Variants in WASF2 observed in about 807,000 individuals in gnomAD.
WASF2 encodes WASP family member 2.
In WASF2, 14 loss-of-function variants were observed where a neutral mutation model predicts 45.0. The observed-to-expected ratio is 0.31, with a 90% CI of 0.21 to 0.49. The LOEUF is 0.49. WASF2 is among the 20% of genes least tolerant of loss of function. WASF2 has a pLI of 0.99. For synonymous variants in WASF2, 200 were observed against 236.3 expected (o/e 0.85, Z 1.41); for missense variants, 439 against 636.1 (o/e 0.69, Z 3.33).
chr1:27,412,946 G>A (rs1458525649), intron 6 of WASF2, among the ~76,000 whole-genome samples: 1 of 152,148 alleles, frequency 6.6e-6, no homozygotes, highest in Non-Finnish European at 1.5e-5. Flanking sequence ...ATTGTTTGTA[G>A]TAACAGGATT....
In WASF2 at chr1:27,405,183, C is replaced by G. The variant is rs1038924805; in HGVS notation, c.*3006G>C. ...CGCCTCGGCTCTGCGTTGACATTGG[C>G]CAGGGTCGTTTCTGAGGGCGCTCGG... On this transcript the variant is annotated 3_prime_UTR_variant, in exon 9 of 9. Transcript: ENST00000618852. 1 of 152,258 alleles carries G rather than the reference C, an allele frequency of 6.6e-6. No individual in the cohort carries two copies. The highest frequency in any genetic ancestry group is 2.4e-5 in the African/African-American group (1 of 41,448). The allele number at this position is 152,258 out of a possible 1,614,324, so 9.4% of individuals were successfully genotyped here.
At chr1:27,464,205 C>T (rs954191497) in intron 1 of WASF2, among the ~76,000 whole-genome samples, 2 of 151,426 alleles carry the variant, frequency 1.3e-5, no homozygotes, top group Non-Finnish European at 2.9e-5. Context: ...CATGGTGAAA[C>T]CCCATCTCTA....
At chr1:27,460,330 GT>G (rs1488469346) in intron 1 of WASF2, among the ~76,000 whole-genome samples, 3 of 152,092 alleles carry the variant, frequency 2.0e-5, no homozygotes, top group Non-Finnish European at 2.9e-5. Flanking sequence ...CTGGAGGGAA[GT>G]AAAAGAATTA....
chr1:27,426,823 T>C (rs983358343), intron 2 of WASF2, among the ~76,000 whole-genome samples: 2 of 152,142 alleles, frequency 1.3e-5, no homozygotes, highest in Non-Finnish European at 2.9e-5. Flanking sequence ...TTACCTTATT[T>C]TTCTGAGCCT....
At chr1:27,454,187 A>ATTTTTTT (rs869057863) in intron 1 of WASF2, among the ~76,000 whole-genome samples, 1 of 12,774 alleles carries the variant, frequency 7.8e-5, no homozygotes, top group East Asian at 2.2e-3. Flanking sequence ...ATATATATAT[A>ATTTTTTT]TTTTTTTTTT....
At chr1:27,442,701 A>C (rs1465172930) in intron 1 of WASF2, among the ~76,000 whole-genome samples, 1 of 151,392 alleles carries the variant, frequency 6.6e-6, no homozygotes, top group African/African-American at 2.4e-5. Flanking sequence ...TCTATGAAAA[A>C]CACAAAAAAC....
chr1:27,455,607 C>T (rs993359729), intron 1 of WASF2, among the ~76,000 whole-genome samples: 2 of 152,224 alleles, frequency 1.3e-5, no homozygotes, highest in Non-Finnish European at 2.9e-5. Flanking sequence ...CTCTAGCCTG[C>T]AGCCACTCAC....
chr1:27,457,692 C>T (rs2017487635), intron 1 of WASF2, among the ~76,000 whole-genome samples: 1 of 151,068 alleles, frequency 6.6e-6, no homozygotes, highest in Admixed American at 6.6e-5. Flanking sequence ...TTAATCATAG[C>T]TCACTGCAGC....
At chr1:27,411,478 ACTCTATGCTAGGTTC>A (rs2016759411) in intron 7 of WASF2, among the ~76,000 whole-genome samples, 1 of 152,054 alleles carries the variant, frequency 6.6e-6, no homozygotes, top group Non-Finnish European at 1.5e-5. Flanking sequence ...AGAGGAAGTG[ACTCTATGCTAGGTTC>A]CTAGACAACT....
intron 1 of WASF2, among the ~76,000 whole-genome samples, chr1:27,437,160 G>A (rs965649989): frequency 6.6e-6 from 1 of 152,132 alleles, no homozygotes; most frequent in Non-Finnish European, 1.5e-5. Flanking sequence ...TCTAATCATA[G>A]TTTCGTTCTT....
intron 1 of WASF2, among the ~76,000 whole-genome samples, chr1:27,471,177 C>T (rs2017683036): frequency 6.6e-6 from 1 of 151,780 alleles, no homozygotes; most frequent in Non-Finnish European, 1.5e-5. Flanking sequence ...AACCCCATCT[C>T]TACTAAAAAT....
At chr1:27,468,491 A>C (rs1283306792) in intron 1 of WASF2, among the ~76,000 whole-genome samples, 1 of 151,448 alleles carries the variant, frequency 6.6e-6, no homozygotes, top group Non-Finnish European at 1.5e-5. Flanking sequence ...AAATACAAAA[A>C]TTAGCTGGTC....
intron 1 of WASF2, among the ~76,000 whole-genome samples, chr1:27,460,915 G>C (rs1172519771): frequency 1.3e-5 from 2 of 152,108 alleles, no homozygotes; most frequent in Non-Finnish European, 2.9e-5. Flanking sequence ...GAGGTGGGTG[G>C]ATTACGAGGT....
intron 1 of WASF2, among the ~76,000 whole-genome samples, chr1:27,484,792 AC>A (rs2017899811): frequency 1.4e-5 from 2 of 138,208 alleles, no homozygotes; most frequent in Non-Finnish European, 3.1e-5. Flanking sequence ...AGCCTGGATG[AC>A]AGAGCGAGAC....
intron 3 of WASF2, 109 bp from the exon 4 acceptor site, chr1:27,418,531 T>C: frequency 6.9e-7 from 1 of 1,450,854 alleles, no homozygotes; most frequent in Non-Finnish European, 9.4e-7. Context: ...GCTGTGGCTG[T>C]CCGCAGCCAG....
chr1:27,429,539 G>T (rs915855015), intron 1 of WASF2, among the ~76,000 whole-genome samples: 3 of 152,182 alleles, frequency 2.0e-5, no homozygotes, highest in African/African-American at 7.2e-5. Context: ...ACTTTGGGAG[G>T]CTGAGGCAGG....
intron 6 of WASF2, among the ~76,000 whole-genome samples, chr1:27,413,440 T>TCCAC (rs1053977117): frequency 6.6e-6 from 1 of 152,116 alleles, no homozygotes; most frequent in African/African-American, 2.4e-5. Flanking sequence ...CCTGCTCTGC[T>TCCAC]CCACCTCCCC....
At chr1:27,442,340 T>C (rs2017248765) in intron 1 of WASF2, among the ~76,000 whole-genome samples, 1 of 151,996 alleles carries the variant, frequency 6.6e-6, no homozygotes, top group South Asian at 2.1e-4. Context: ...GGTCAAGAGT[T>C]CAAGACCAGC....
In WASF2 at chr1:27,436,832, G is replaced by A. The variant is rs371812203; in HGVS notation, c.-43-7899C>T. Among the ~76,000 whole-genome samples, 16 of 152,254 alleles carry A rather than the reference G, an allele frequency of 1.1e-4. No homozygotes were observed. In the South Asian group the frequency reaches 1.4e-3, roughly 14 times the overall value. On this transcript the variant is annotated intron_variant, in intron 1 of 8. Transcript: ENST00000618852. Reference sequence around the variant, plus strand: ...AGTAGGACAGAAATGGAACTCCTGCGGTAGATACAGAAAGTATTTGACTGG... The same window carrying A: ...AGTAGGACAGAAATGGAACTCCTGCAGTAGATACAGAAAGTATTTGACTGG...
Sources: gnomAD v4.1 joint callset for allele counts (sites outside exome capture counted in the v4.1 genomes callset) on GRCh38, gnomAD v4.1.1 for gene constraint, MANE v1.5 for transcripts, NCBI Gene and HGNC (gene_info 2026-07-23, HGNC 2026-07-21) for gene names.